Variants in SMIM14 observed in about 807,000 individuals in gnomAD.
SMIM14 encodes chromosome 4 open reading frame 34.
A neutral mutation model predicts 12.6 loss-of-function variants in SMIM14; 5 were observed. The ratio of observed to expected loss-of-function variants is 0.40; its 90% CI spans 0.21 to 0.83. The LOEUF is 0.83. Among genes scored for constraint, SMIM14 ranks in the 40% least tolerant of loss-of-function variants. The pLI is 0.37. For missense variants in SMIM14, 86 were observed against 119.1 expected (o/e 0.72, Z 1.29); for synonymous variants, 30 against 40.1 (o/e 0.75, Z 0.95).
At chr4:39,623,297 T>A (rs1471167017) in intron 1 of SMIM14, among the ~76,000 whole-genome samples, 1 of 152,178 alleles carries the variant, frequency 6.6e-6, no homozygotes, top group Non-Finnish European at 1.5e-5. Context: ...TTCTACCTTT[T>A]AGTGCTAAAA....
chr4:39,576,038 C>T (rs184345096), intron 2 of SMIM14, among the ~76,000 whole-genome samples: 2 of 151,892 alleles, frequency 1.3e-5, no homozygotes, highest in East Asian at 3.9e-4. Context: ...GGATTACAGG[C>T]ATGCCCCACC....
chr4:39,569,123 G>C (rs1446195051), intron 3 of SMIM14, among the ~76,000 whole-genome samples: 1 of 152,196 alleles, frequency 6.6e-6, no homozygotes, highest in Non-Finnish European at 1.5e-5. Context: ...TATTTGAGCT[G>C]TACATTGTAG....
intron 3 of SMIM14, among the ~76,000 whole-genome samples, chr4:39,564,972 G>A (rs553421546): frequency 6.6e-6 from 1 of 152,304 alleles, no homozygotes; most frequent in South Asian, 2.1e-4. Context: ...AGCACTTTGG[G>A]AAGCTGAGGT....
At chr4:39,632,584 A>C in intron 1 of SMIM14, among the ~76,000 whole-genome samples, 1 of 152,038 alleles carries the variant, frequency 6.6e-6, no homozygotes, top group East Asian at 1.9e-4. Context: ...GCATGAGCTC[A>C]GGAGTTCGAG....
chr4:39,629,945 G>A (rs1013783883), intron 1 of SMIM14, among the ~76,000 whole-genome samples: 5 of 152,104 alleles, frequency 3.3e-5, no homozygotes, highest in Non-Finnish European at 7.4e-5. Context: ...GTTTTTAACA[G>A]CTGTATTACA....
intron 1 of SMIM14, among the ~76,000 whole-genome samples, chr4:39,607,735 G>C (rs755337316): frequency 6.6e-6 from 1 of 152,054 alleles, no homozygotes; most frequent in Non-Finnish European, 1.5e-5. Flanking sequence ...AAAGATAAAC[G>C]AAAGAGTGAA....
chr4:39,605,157 T>G lies in SMIM14; in HGVS notation c.-12A>C. On this transcript the variant is annotated 5_prime_UTR_variant, in exon 2 of 5. Coordinates refer to ENST00000295958, the MANE Select transcript of SMIM14 (RefSeq NM_174921.3). The stretch of plus-strand genomic sequence containing the variant: ...CCACCTTCTGCCATGATTACCCAGC[T>G]TGATTTTACTTGACTGTTTAAATCT... 2 of 1,596,808 alleles carry G rather than the reference T, an allele frequency of 1.3e-6. No homozygotes were observed. The highest frequency in any genetic ancestry group is 1.7e-6 in the Non-Finnish European group (2 of 1,176,840).
In SMIM14 at chr4:39,551,586, C is replaced by G. The variant is rs151294923; in HGVS notation, c.*540G>C. The G allele has an allele frequency of 6.6e-6, 1 of 152,666 alleles. No homozygotes were observed. The highest frequency in any genetic ancestry group is 2.4e-5 in the African/African-American group (1 of 41,534). 9.5% of individuals were successfully genotyped at this position (152,666 alleles called of 1,614,324 possible). A position where few individuals can be genotyped will look rare whatever the true frequency, so the allele number is the denominator to read the frequency against. ...TTCAGCTGTAATTTGCAAAACAATC[C>G]AAGAGCTACCACAGTCCCCAAAACT... is the stretch of plus-strand genomic sequence containing the variant. On this transcript the variant is annotated 3_prime_UTR_variant, in exon 5 of 5. Coordinates refer to ENST00000295958, the MANE Select transcript of SMIM14 (RefSeq NM_174921.3).
At chr4:39,625,597 C>T (rs1201488003) in intron 1 of SMIM14, among the ~76,000 whole-genome samples, 2 of 152,126 alleles carry the variant, frequency 1.3e-5, no homozygotes, top group African/African-American at 4.8e-5. Context: ...CGCGCCACCA[C>T]ATCCAACTAA....
chr4:39,607,305 T>G (rs1240259755), intron 1 of SMIM14, among the ~76,000 whole-genome samples: 1 of 152,258 alleles, frequency 6.6e-6, no homozygotes, highest in Non-Finnish European at 1.5e-5. Context: ...AGTAAAATTA[T>G]GCTTATATAC....
Position 39,579,287 on chromosome 4 carries a change from G to C in SMIM14, c.76-6824C>G, listed in dbSNP as rs150556658. Among the ~76,000 whole-genome samples, 746 of 151,568 alleles carry C rather than the reference G, an allele frequency of 4.9e-3. 5 individuals are homozygous for C. Among genetic ancestry groups the C allele is most frequent in the African/African-American group, 0.017 (701 of 41,350 alleles). Reference sequence around the variant, plus strand: ...TATCTGGATGTGGTGATGTGCACCTGTAATCCCAGCTACTCAGGAGGCTGA... The same window carrying C: ...TATCTGGATGTGGTGATGTGCACCTCTAATCCCAGCTACTCAGGAGGCTGA... On this transcript the variant is annotated intron_variant, in intron 2 of 4. Transcript: ENST00000295958.
chr4:39,592,969 G>C (rs937380387), intron 2 of SMIM14: 17 of 152,022 alleles, frequency 1.1e-4, no homozygotes, highest in African/African-American at 3.9e-4. Context: ...AATTCTACCA[G>C]AGGTACAAGG....
chr4:39,548,995 G>C lies in SMIM14; in HGVS notation c.*3131C>G. 1 of 152,188 alleles carries C rather than the reference G, an allele frequency of 6.6e-6. No homozygotes were observed. Among genetic ancestry groups the C allele is most frequent in the South Asian group, 2.1e-4 (1 of 4,824 alleles). The allele number at this position is 152,188 out of a possible 1,614,324, so 9.4% of individuals were successfully genotyped here. ...GGATCACCTGAGGTCAGGAGTTTGA[G>C]ACCAGCCTGGCCTACATGGCGAAAC... On this transcript the variant is annotated 3_prime_UTR_variant, in exon 5 of 5. Coordinates refer to ENST00000295958, the MANE Select transcript of SMIM14 (RefSeq NM_174921.3).
chr4:39,619,272 T>C (rs1321277037), intron 1 of SMIM14, among the ~76,000 whole-genome samples: 44 of 114,620 alleles, frequency 3.8e-4, no homozygotes, highest in Non-Finnish European at 7.0e-4. Flanking sequence ...ATAAATATAA[T>C]TTATTCTATA....
chr4:39,631,441 G>A (rs534787945), intron 1 of SMIM14, among the ~76,000 whole-genome samples: 74 of 151,630 alleles, frequency 4.9e-4, no homozygotes, highest in Non-Finnish European at 9.6e-4. Flanking sequence ...GGCGGATCAC[G>A]AGGTCAGGAG....
At position 39,577,481 on chromosome 4, in the gene SMIM14, A is replaced by G. The variant is rs953655584; in HGVS notation, c.76-5018T>C. ...CTGACTCTGTCTCCCAGGCTGGAGT[A>G]CAGTGATACAATCTCGGCTCACTGC... On this transcript the variant is annotated intron_variant, in intron 2 of 4. Transcript: ENST00000295958. 3.3e-5 allele frequency among the ~76,000 whole-genome samples: 5 copies of G among 149,388 alleles called. No individual in the cohort carries two copies. In the South Asian group the frequency reaches 8.4e-4, roughly 25 times the overall value.
chr4:39,569,508 T>TA (rs2110003371), intron 3 of SMIM14, among the ~76,000 whole-genome samples: 1 of 152,344 alleles, frequency 6.6e-6, no homozygotes, highest in East Asian at 1.9e-4. Flanking sequence ...TGGCAATATG[T>TA]AAATAGCCTT....
Position 39,552,901 on chromosome 4 carries a change from C to T in SMIM14, c.268-743G>A, listed in dbSNP as rs76711600. 5.4e-3 allele frequency among the ~76,000 whole-genome samples: 820 copies of T among 152,208 alleles called. 6 individuals carry two copies. Among genetic ancestry groups the T allele is most frequent in the Middle Eastern group, 0.02 (6 of 294 alleles). ...TTATTTACCCTGAAATGATACATGA[C>T]GCCCGAGTTGGGGGTGATCAATATT... On this transcript the variant is annotated intron_variant, in intron 4 of 4. Transcript: ENST00000295958.
chr4:39,633,397 C>T (rs1330582907), intron 1 of SMIM14, among the ~76,000 whole-genome samples: 1 of 152,090 alleles, frequency 6.6e-6, no homozygotes, highest in Non-Finnish European at 1.5e-5. Context: ...CATGGTTCAC[C>T]ATAATATTAT....
Sources: allele counts gnomAD v4.1 joint callset (sites outside exome capture counted in the v4.1 genomes callset), GRCh38; gene constraint gnomAD v4.1.1; transcripts MANE v1.5; gene names NCBI Gene and HGNC (gene_info 2026-07-23, HGNC 2026-07-21).